CDH4: variants seen among roughly 807,000 people sequenced by gnomAD.
The protein encoded by CDH4 is cadherin-4.
In CDH4, 33 loss-of-function variants were observed where a neutral mutation model predicts 86.0. That is an observed-to-expected ratio of 0.38 (90% CI 0.29 to 0.51). The LOEUF is 0.51. CDH4 is among the 20% of genes least tolerant of loss of function. The pLI, the probability that CDH4 is intolerant of heterozygous loss-of-function variation, is 0.86. For missense variants in CDH4, 1,114 were observed against 1,307.4 expected, an observed-to-expected ratio of 0.85 and a Z score of 2.28; for synonymous variants, 555 against 549.4, an observed-to-expected ratio of 1.01 and a Z score of -0.14.
At chr20:61,674,237 G>A (rs1237857613) in intron 2 of CDH4, among the ~76,000 whole-genome samples, 1 of 152,208 alleles carries the variant, frequency 6.6e-6, no homozygotes, top group Non-Finnish European at 1.5e-5. Context: ...AGTCCCGTGG[G>A]GCGGAGAGAC....
intron 2 of CDH4, among the ~76,000 whole-genome samples, chr20:61,706,262 G>A (rs56669144): frequency 0.015 from 2,263 of 152,208 alleles, 54 homozygotes; most frequent in African/African-American, 0.051. Flanking sequence ...TAAGCGACTT[G>A]GGCACAGCAG....
At chr20:61,869,577 A>G (rs1983707839) in intron 6 of CDH4, among the ~76,000 whole-genome samples, 1 of 152,204 alleles carries the variant, frequency 6.6e-6, no homozygotes, top group African/African-American at 2.4e-5. Flanking sequence ...TGGCCCAGTC[A>G]GGGTCCCAAA....
chr20:61,275,066 T>C (rs1486467700), intron 2 of CDH4, among the ~76,000 whole-genome samples: 1 of 103,386 alleles, frequency 9.7e-6, no homozygotes, highest in East Asian at 3.1e-4. Flanking sequence ...GTGTGCAGTT[T>C]GGGGGAGTAC....
At chr20:61,652,934 A>ATTTTTTTTTTTTTTTTTTTTTTT (rs1378064808) in intron 2 of CDH4, among the ~76,000 whole-genome samples, 14 of 103,012 alleles carry the variant, frequency 1.4e-4, no homozygotes, top group Non-Finnish European at 2.2e-4. Context: ...TTATTTATTT[A>ATTTTTTTTTTTTTTTTTTTTTTT]TTTATTTTTT....
intron 7 of CDH4, among the ~76,000 whole-genome samples, chr20:61,884,634 G>A (rs777947240): frequency 6.6e-6 from 1 of 152,124 alleles, no homozygotes; most frequent in African/African-American, 2.4e-5. Flanking sequence ...CCTCAGAAAG[G>A]AGCCCTCCGC....
chr20:61,935,659 G>A (rs2055174531), intron 15 of CDH4, among the ~76,000 whole-genome samples: 1 of 152,180 alleles, frequency 6.6e-6, no homozygotes, highest in South Asian at 2.1e-4. Flanking sequence ...GCCATGGCAG[G>A]TGGATCACCT....
At chr20:61,545,065 T>C (rs1338677730) in intron 2 of CDH4, among the ~76,000 whole-genome samples, 1 of 152,218 alleles carries the variant, frequency 6.6e-6, no homozygotes, top group Non-Finnish European at 1.5e-5. Flanking sequence ...CCCTCGCTTC[T>C]GTGGGTCTGA....
At chr20:61,673,794 G>A (rs1383648333) in intron 2 of CDH4, among the ~76,000 whole-genome samples, 2 of 152,144 alleles carry the variant, frequency 1.3e-5, no homozygotes, top group South Asian at 2.1e-4. Context: ...AATAACACGC[G>A]CAAATTACCT....
chr20:61,299,915 G>A (rs1263691417), intron 2 of CDH4, among the ~76,000 whole-genome samples: 1 of 152,246 alleles, frequency 6.6e-6, no homozygotes, highest in East Asian at 1.9e-4. Context: ...CAGGAGGTGT[G>A]TGGGGTTAGA....
At chr20:61,602,308 G>A (rs2086607790) in intron 2 of CDH4, among the ~76,000 whole-genome samples, 1 of 152,148 alleles carries the variant, frequency 6.6e-6, no homozygotes, top group South Asian at 2.1e-4. Context: ...CCGGTCCCCA[G>A]TAGGGTGGAA....
chr20:61,504,158 C>A (rs545509396), intron 2 of CDH4, among the ~76,000 whole-genome samples: 1 of 152,174 alleles, frequency 6.6e-6, no homozygotes, highest in Admixed American at 6.5e-5. Context: ...CCTCAGATCC[C>A]GCAGGTAGTA....
At chr20:61,660,695 G>T (rs1324999657) in intron 2 of CDH4, among the ~76,000 whole-genome samples, 1 of 152,170 alleles carries the variant, frequency 6.6e-6, no homozygotes, top group Non-Finnish European at 1.5e-5. Flanking sequence ...CTTGGCTTGG[G>T]TCCCAGAAGG....
intron 3 of CDH4, among the ~76,000 whole-genome samples, chr20:61,747,733 A>G (rs1217051957): frequency 6.6e-6 from 1 of 152,230 alleles, no homozygotes. Context: ...GTGAAGAGAT[A>G]CACAGAAGGA....
At chr20:61,477,226 C>T (rs376887181) in intron 2 of CDH4, among the ~76,000 whole-genome samples, 67 of 152,302 alleles carry the variant, frequency 4.4e-4, no homozygotes, top group Non-Finnish European at 8.5e-4. Context: ...CACCATGGTC[C>T]GGGGCAGGAG....
intron 4 of CDH4, among the ~76,000 whole-genome samples, chr20:61,805,938 T>G (rs1040250938): frequency 1.3e-5 from 2 of 152,198 alleles, no homozygotes; most frequent in African/African-American, 4.8e-5. Context: ...CATCACTCAC[T>G]CGGTGTCCAC....
chr20:61,679,285 G>A (rs938590394), intron 2 of CDH4, among the ~76,000 whole-genome samples: 1 of 152,086 alleles, frequency 6.6e-6, no homozygotes, highest in African/African-American at 2.4e-5. Flanking sequence ...CAGCTTTTTT[G>A]CAGCATAGTA....
chr20:61,893,232 C>A lies in CDH4; in HGVS notation c.1051-1678C>A, dbSNP rs939941496. Among the ~76,000 whole-genome samples the A allele has an allele frequency of 9.6e-4, 6 of 6,240 alleles. 3 individuals carry two copies. Among genetic ancestry groups the A allele is most frequent in the East Asian group, 9.1e-3 (2 of 220 alleles). 4.1% of individuals were successfully genotyped at this position (6,240 alleles called of 152,430 possible). A position where few individuals can be genotyped will look rare whatever the true frequency, so the allele number is the denominator to read the frequency against. On this transcript the variant is annotated intron_variant, in intron 7 of 15. Coordinates refer to ENST00000614565, the MANE Select transcript of CDH4 (RefSeq NM_001794.5). ...ATAGAGGGATAGATGGATGGGTGAC[C>A]ACAGGGATGGTGGATGGGTGGGTGG...
At chr20:61,631,422 C>A (rs1273606474) in intron 2 of CDH4, among the ~76,000 whole-genome samples, 1 of 152,192 alleles carries the variant, frequency 6.6e-6, no homozygotes, top group Admixed American at 6.5e-5. Flanking sequence ...GGCAGATCAT[C>A]TGAGGTCAGG....
At chr20:61,704,701 T>A (rs2087811227) in intron 2 of CDH4, among the ~76,000 whole-genome samples, 1 of 152,190 alleles carries the variant, frequency 6.6e-6, no homozygotes, top group South Asian at 2.1e-4. Context: ...TTTGCCAATA[T>A]CTAATCTCTA....
Sources: allele counts gnomAD v4.1 joint callset (sites outside exome capture counted in the v4.1 genomes callset), GRCh38; gene constraint gnomAD v4.1.1; transcripts MANE v1.5; gene names NCBI Gene and HGNC (gene_info 2026-07-23, HGNC 2026-07-21).